GSE1: variants seen among roughly 807,000 people sequenced by gnomAD.
GSE1 encodes genetic suppressor element 1.
GSE1 carries 32 observed loss-of-function variants against 112.6 expected under a neutral mutation model. The ratio of observed to expected loss-of-function variants is 0.28; its 90% CI spans 0.21 to 0.38. GSE1 has a LOEUF of 0.38. Among genes scored for constraint, GSE1 ranks in the 10% least tolerant of loss-of-function variants. GSE1 has a pLI of 1.00. For missense variants in GSE1, 2,348 were observed against 1,699.2 expected, an observed-to-expected ratio of 1.38 and a Z score of -6.71; for synonymous variants, 1,115 against 735.6, an observed-to-expected ratio of 1.52 and a Z score of -8.35.
Position 85,656,502 on chromosome 16 carries a change from C to G in GSE1, c.1149C>G (p.Arg383=). 1.9e-6 allele frequency: 3 copies of G among 1,547,370 alleles called. No homozygotes were observed. The highest frequency in any genetic ancestry group is 2.6e-6 in the Non-Finnish European group (3 of 1,145,024). ...KEREREKERE[R]ELERQREQRA... is the part of the protein sequence containing the mutation. ...GTGAGCGTGAGAAGGAGCGCGAGCG[C>G]GAGCTGGAGCGCCAGCGGGAGCAGC... is the stretch of plus-strand genomic sequence containing the variant. Residue 383 remains arginine, a synonymous_variant, in exon 7 of 16, where the codon CGC becomes CGG. Transcript: ENST00000253458.
At chr16:85,404,316 C>G (rs1457673367) in intron 2 of GSE1, among the ~76,000 whole-genome samples, 1 of 84,198 alleles carries the variant, frequency 1.2e-5, no homozygotes, top group Non-Finnish European at 2.4e-5. Context: ...ATAATCCTCA[C>G]TCTTACACTC....
intron 2 of GSE1, among the ~76,000 whole-genome samples, chr16:85,546,123 T>C (rs1409576648): frequency 6.9e-6 from 1 of 143,956 alleles, no homozygotes; most frequent in Non-Finnish European, 1.5e-5. Context: ...CTAGCTCTGT[T>C]GCCCAGGCTA....
chr16:85,246,227 A>ACACACACACACACACG (rs1905665092), intron 1 of GSE1, among the ~76,000 whole-genome samples: 1 of 139,328 alleles, frequency 7.2e-6, no homozygotes, highest in Non-Finnish European at 1.6e-5. Flanking sequence ...ACACACACAC[A>ACACACACACACACACG]CACACACACA....
rs957214053 is a variant in GSE1 at position 85,654,177 on chromosome 16, C to G, written c.427-101C>G. The G allele has an allele frequency of 1.5e-5, 16 of 1,088,376 alleles. No individual in the cohort carries two copies. The African/African-American group carries it at 1.6e-4, about 11-fold the overall frequency. The allele number at this position is 1,088,376 out of a possible 1,614,324, so 67.4% of individuals were successfully genotyped here. ...GGAAAGGATGTTTCTAGAACATGAACTAAATCTAGCGCCTTCCCGTGAGTC... is the reference window on the plus strand; with the variant it reads ...GGAAAGGATGTTTCTAGAACATGAAGTAAATCTAGCGCCTTCCCGTGAGTC... On this transcript the variant is annotated intron_variant, in intron 3 of 15. Transcript: ENST00000253458.
At chr16:85,632,802 G>T (rs1379607983) in intron 1 of GSE1, among the ~76,000 whole-genome samples, 1 of 152,180 alleles carries the variant, frequency 6.6e-6, no homozygotes, top group Non-Finnish European at 1.5e-5. Flanking sequence ...TGCATCCACA[G>T]GGAGGAAGCC....
chr16:85,368,681 A>G (rs987955119), intron 2 of GSE1, among the ~76,000 whole-genome samples: 3 of 152,186 alleles, frequency 2.0e-5, no homozygotes, highest in Non-Finnish European at 4.4e-5. Flanking sequence ...CTCCAGCCTG[A>G]GTGACAGAGT....
At chr16:85,556,433 C>A (rs2045215771) in intron 1 of GSE1, 3 of 695,134 alleles carry the variant, frequency 4.3e-6, no homozygotes, top group South Asian at 1.3e-4. Flanking sequence ...CTCACCCGAC[C>A]CCCCTCCGCC....
chr16:85,652,163 G>T (rs1233078692), intron 3 of GSE1, among the ~76,000 whole-genome samples: 1 of 152,220 alleles, frequency 6.6e-6, no homozygotes, highest in African/African-American at 2.4e-5. Flanking sequence ...TGCCCTGTGA[G>T]TCCCCCGCAT....
In GSE1 at chr16:85,602,922, C is replaced by T. The variant is rs1388569600; in HGVS notation, c.38-45630C>T. On this transcript the variant is annotated intron_variant, in intron 1 of 2. Coordinates refer to the GSE1 transcript ENST00000635906. ...GGTCTGGGACCGGAGCGGGGCGCTC[C>T]GTGGGCAGCTGGTGACCTCTGCAGG... 3.3e-5 allele frequency among the ~76,000 whole-genome samples: 5 copies of T among 152,360 alleles called. No homozygotes were observed. The East Asian group carries it at 7.7e-4, about 23-fold the overall frequency.
chr16:85,628,115 C>T (rs1052958034), intron 1 of GSE1, among the ~76,000 whole-genome samples: 10 of 152,352 alleles, frequency 6.6e-5, no homozygotes, highest in East Asian at 1.9e-4. Context: ...CGGGGTTCCC[C>T]GGCTCTTGGC....
chr16:85,403,601 G>A (rs2048170578), intron 2 of GSE1, among the ~76,000 whole-genome samples: 1 of 152,006 alleles, frequency 6.6e-6, no homozygotes, highest in African/African-American at 2.4e-5. Flanking sequence ...ACCAGCCTGG[G>A]CAACATAGTG....
rs1174398879 is a variant in GSE1, at chr16:85,382,786, CACACA to C, written c.2464+25149_2464+25153del. Among the ~76,000 whole-genome samples the C allele has an allele frequency of 2.7e-5, 4 of 150,826 alleles. No individual in the cohort carries two copies. The East Asian group carries it at 7.7e-4, about 29-fold the overall frequency. ...ATGTATGCACACCCATGCATGCACACACACAACACATGCACACACACTCATACACA... is the reference window on the plus strand; with the variant it reads ...ATGTATGCACACCCATGCATGCACACACACATGCACACACACTCATACACA... On this transcript the variant is annotated intron_variant, in intron 2 of 2. Coordinates refer to the GSE1 transcript ENST00000637419.
In GSE1 at chr16:85,647,247, C is replaced by T. The variant is rs149070439; in HGVS notation, c.227-1305C>T. Among the ~76,000 whole-genome samples, 558 of 152,294 alleles carry T rather than the reference C, an allele frequency of 3.7e-3. 3 individuals are homozygous for T. Among genetic ancestry groups the T allele is most frequent in the African/African-American group, 0.013 (522 of 41,580 alleles). On this transcript the variant is annotated intron_variant, in intron 2 of 15. Transcript: ENST00000253458. ...GTCACCCAGGCCCAAAGCCCTCCTG[C>T]CTGCCCTGCACCCTCCCCCTGCTAC...
chr16:85,245,363 A>G (rs1905532979), intron 1 of GSE1, among the ~76,000 whole-genome samples: 1 of 152,142 alleles, frequency 6.6e-6, no homozygotes, highest in African/African-American at 2.4e-5. Context: ...TGCCGGGAGC[A>G]TGGTGAAGGG....
At chr16:85,281,682 G>A (rs535140738) in intron 1 of GSE1, among the ~76,000 whole-genome samples, 1 of 152,252 alleles carries the variant, frequency 6.6e-6, no homozygotes, top group East Asian at 1.9e-4. Flanking sequence ...GTCACCGTGG[G>A]CAAAACCAAG....
At chr16:85,477,704 G>A (rs2050503719) in intron 2 of GSE1, among the ~76,000 whole-genome samples, 1 of 151,784 alleles carries the variant, frequency 6.6e-6, no homozygotes, top group African/African-American at 2.4e-5. Flanking sequence ...GGGATTAGAG[G>A]CACCCGCCAC....
intron 2 of GSE1, among the ~76,000 whole-genome samples, chr16:85,440,440 A>T (rs1308011683): frequency 6.6e-6 from 1 of 152,198 alleles, no homozygotes; most frequent in Non-Finnish European, 1.5e-5. Context: ...GGGTTCCAGA[A>T]GTTTCACGTG....
At chr16:85,465,348 T>G (rs914740981) in intron 2 of GSE1, among the ~76,000 whole-genome samples, 1 of 152,168 alleles carries the variant, frequency 6.6e-6, no homozygotes, top group Non-Finnish European at 1.5e-5. Flanking sequence ...AAGGGAAGCA[T>G]GTAATAGAAC....
At chr16:85,591,892 TTC>T (rs2047016446) in intron 1 of GSE1, among the ~76,000 whole-genome samples, 2 of 152,172 alleles carry the variant, frequency 1.3e-5, no homozygotes, top group African/African-American at 4.8e-5. Flanking sequence ...TGATGGAATG[TTC>T]TAGATCCGCG....
Sources: allele counts gnomAD v4.1 joint callset (sites outside exome capture counted in the v4.1 genomes callset), GRCh38; gene constraint gnomAD v4.1.1; transcripts MANE v1.5; gene names NCBI Gene and HGNC (gene_info 2026-07-23, HGNC 2026-07-21).